Variants in SNN observed in about 807,000 individuals in gnomAD.
SNN encodes AG8_1.
A neutral mutation model predicts 5.3 loss-of-function variants in SNN; 5 were observed. The ratio of observed to expected loss-of-function variants is 0.94; its 90% CI spans 0.49 to 1.97. The LOEUF is 1.97. Among genes scored for constraint, SNN ranks in the 30% most tolerant of loss-of-function variants. The pLI is 0.01. For missense variants in SNN, 127 were observed against 121.6 expected (o/e 1.04, Z -0.21); for synonymous variants, 67 against 52.1 (o/e 1.29, Z -1.24).
Position 11,672,540 on chromosome 16 carries a change from T to C in SNN, c.-85-3435T>C, listed in dbSNP as rs2050272286. Among the ~76,000 whole-genome samples, 1 of 152,158 alleles carries C rather than the reference T, an allele frequency of 6.6e-6. No homozygotes were observed. The highest frequency in any genetic ancestry group is 1.5e-5 in the Non-Finnish European group (1 of 68,012). ...AGGGAGCTTGGATTCTCTTTGGTGC[T>C]GGGGAGGATTCTGAGTGGGGAGAAC... On this transcript the variant is annotated intron_variant, in intron 1 of 1. Coordinates refer to ENST00000329565, the MANE Select transcript of SNN (RefSeq NM_003498.6). This position sits in a 1 kb window ranked among gnomAD's most constrained non-coding sequence, Gnocchi z 6.0.
At position 11,675,956 on chromosome 16, in the gene SNN, A is replaced by C; in HGVS notation, c.-85-19A>C. The C allele has an allele frequency of 1.8e-5, 24 of 1,298,416 alleles. No homozygotes were observed. The highest frequency in any genetic ancestry group is 2.3e-5 in the Non-Finnish European group (22 of 955,560). 80.4% of individuals were successfully genotyped at this position (1,298,416 alleles called of 1,614,324 possible). On this transcript the variant is annotated intron_variant, in intron 1 of 1. Coordinates refer to ENST00000329565, the MANE Select transcript of SNN (RefSeq NM_003498.6). ...GTGGAAGTGCTAACCGCAGCTCGTC[A>C]ACCTGCTTTGTCTTTCAGGACTCCC...
Position 11,677,386 on chromosome 16 carries a change from A to C in SNN, c.*1060A>C, listed in dbSNP as rs1175165569. 6.0e-6 allele frequency: 1 copy of C among 167,096 alleles called. No homozygotes were observed. The highest frequency in any genetic ancestry group is 2.4e-5 in the African/African-American group (1 of 41,390). The allele number at this position is 167,096 out of a possible 1,614,324, so 10.4% of individuals were successfully genotyped here. A position where few individuals can be genotyped will look rare whatever the true frequency, so the allele number is the denominator to read the frequency against. On this transcript the variant is annotated 3_prime_UTR_variant, in exon 2 of 2. Coordinates refer to ENST00000329565, the MANE Select transcript of SNN (RefSeq NM_003498.6). The surrounding 1 kb of genome is among the most constrained non-coding windows in gnomAD (Gnocchi z 4.2). ...ACTTGGCTTCCTTTCCTCTCTGATG[A>C]CCGTCCGCCTATGGGGTTCTGACTT...
chr16:11,673,688 A>G (rs2050280211), intron 1 of SNN, among the ~76,000 whole-genome samples: 1 of 152,188 alleles, frequency 6.6e-6, no homozygotes, highest in African/African-American at 2.4e-5. Flanking sequence ...GAACAAGGGT[A>G]AGCCGCCAGA....
chr16:11,674,749 G>A (rs938188823), intron 1 of SNN, among the ~76,000 whole-genome samples: 3 of 152,268 alleles, frequency 2.0e-5, no homozygotes, highest in Non-Finnish European at 2.9e-5. Flanking sequence ...AGCCCTCACC[G>A]TGCCCCCTGC....
intron 1 of SNN, among the ~76,000 whole-genome samples, chr16:11,674,714 G>A (rs913922711): frequency 6.6e-6 from 1 of 152,172 alleles, no homozygotes; most frequent in African/African-American, 2.4e-5. Context: ...CTTGCCAGGG[G>A]GACCCTCTCT....
rs980157044 is a variant in SNN, at chr16:11,672,447, G to T, written c.-85-3528G>T. Among the ~76,000 whole-genome samples the T allele has an allele frequency of 6.6e-6, 1 of 152,202 alleles. No individual in the cohort carries two copies. Among genetic ancestry groups the T allele is most frequent in the Admixed American group, 6.5e-5 (1 of 15,290 alleles). On this transcript the variant is annotated intron_variant, in intron 1 of 1. Coordinates refer to ENST00000329565, the MANE Select transcript of SNN (RefSeq NM_003498.6). This position sits in a 1 kb window ranked among gnomAD's most constrained non-coding sequence, Gnocchi z 6.0. Reference sequence around the variant, plus strand: ...AGTCCCGAATAGGAAGGTGCCAGCCGTGGGGCGGTCAGGGCAGAGGTGGGA... The same window carrying T: ...AGTCCCGAATAGGAAGGTGCCAGCCTTGGGGCGGTCAGGGCAGAGGTGGGA...
intron 1 of SNN, among the ~76,000 whole-genome samples, chr16:11,669,596 G>A (rs925243012): frequency 2.6e-5 from 4 of 152,252 alleles, no homozygotes; most frequent in Non-Finnish European, 4.4e-5. Flanking sequence ...TCTTGAGGCA[G>A]AAAGGAGACA....
chr16:11,678,947 A>T lies in SNN; in HGVS notation c.*2621A>T. 6.0e-6 allele frequency: 3 copies of T among 498,568 alleles called. No individual in the cohort carries two copies. Among genetic ancestry groups the T allele is most frequent in the Non-Finnish European group, 1.1e-5 (3 of 274,782 alleles). 30.9% of individuals were successfully genotyped at this position (498,568 alleles called of 1,614,324 possible). A position where few individuals can be genotyped will look rare whatever the true frequency, so the allele number is the denominator to read the frequency against. On this transcript the variant is annotated 3_prime_UTR_variant, in exon 2 of 2. Coordinates refer to ENST00000329565, the MANE Select transcript of SNN (RefSeq NM_003498.6). ...AGGGAACTCTTGACACTGAGCCACT[A>T]AAATATGGACTAATTTTTTGGACAA...
intron 1 of SNN, among the ~76,000 whole-genome samples, chr16:11,673,371 C>T (rs1044847274): frequency 5.9e-5 from 9 of 152,154 alleles, no homozygotes; most frequent in African/African-American, 2.2e-4. Context: ...GGGCGCTAAT[C>T]AGGTGGCCAT....
At chr16:11,673,798 G>A (rs899174636) in intron 1 of SNN, among the ~76,000 whole-genome samples, 2 of 152,230 alleles carry the variant, frequency 1.3e-5, no homozygotes, top group Non-Finnish European at 2.9e-5. Context: ...GGGATGTGTA[G>A]TGTTCGGTCC....
intron 1 of SNN, 119 bp from the exon 2 acceptor site, chr16:11,675,856 G>A (rs1404526149): frequency 2.3e-5 from 13 of 569,074 alleles, no homozygotes; most frequent in African/African-American, 9.3e-5. Flanking sequence ...AGACGCCTTC[G>A]AACGCCGGCC....
At position 11,676,095 on chromosome 16, in the gene SNN, GGTCACA is replaced by G; in HGVS notation, c.41_46del (p.Thr14_Val15del). The G allele has an allele frequency of 1.2e-6, 2 of 1,612,968 alleles. No homozygotes were observed. Among genetic ancestry groups the G allele is most frequent in the Non-Finnish European group, 1.7e-6 (2 of 1,179,150 alleles). On this transcript the variant is annotated inframe_deletion, in exon 2 of 2. Coordinates refer to ENST00000329565, the MANE Select transcript of SNN (RefSeq NM_003498.6). ...TGGACCACAGCCCCACCACGGGCGT[GGTCACA>G]GTCATCGTCATCCTCATTGCCATCG...
chr16:11,673,592 C>T (rs1002482030), intron 1 of SNN, among the ~76,000 whole-genome samples: 4 of 152,302 alleles, frequency 2.6e-5, no homozygotes, highest in Middle Eastern at 3.4e-3. Context: ...TGCCACCTGC[C>T]CCCAGTTGTG....
At chr16:11,673,001 T>A (rs1393600987) in intron 1 of SNN, among the ~76,000 whole-genome samples, 2 of 152,088 alleles carry the variant, frequency 1.3e-5, no homozygotes, top group Non-Finnish European at 2.9e-5. Context: ...CCCTTCCGAA[T>A]TGATACTGAC....
Position 11,676,505 on chromosome 16 carries a change from C to T in SNN, c.*179C>T, listed in dbSNP as rs926371814. 18 of 762,244 alleles carry T rather than the reference C, an allele frequency of 2.4e-5. No individual in the cohort carries two copies. Among genetic ancestry groups the T allele is most frequent in the Non-Finnish European group, 3.4e-5 (16 of 473,430 alleles). 47.2% of individuals were successfully genotyped at this position (762,244 alleles called of 1,614,324 possible). On this transcript the variant is annotated 3_prime_UTR_variant, in exon 2 of 2. Coordinates refer to ENST00000329565, the MANE Select transcript of SNN (RefSeq NM_003498.6). ...GACCTGGCTGTCCTGGGCTTCCCCT[C>T]GGCCTCCAGGTGAGGCTGCCCATTG...
rs1050068 is a variant in SNN at position 11,676,092 on chromosome 16, C to A, written c.33C>A (p.Gly11=). MSIMDHSPTT[G]VVTVIVILIA... is the part of the protein sequence containing the mutation. ...TTATGGACCACAGCCCCACCACGGG[C>A]GTGGTCACAGTCATCGTCATCCTCA... The change falls in exon 2 of 2, where the codon GGC becomes GGA. Residue 11 remains glycine, a synonymous_variant. Coordinates refer to ENST00000329565, the MANE Select transcript of SNN (RefSeq NM_003498.6). 1.2e-6 allele frequency: 2 copies of A among 1,611,882 alleles called. No individual in the cohort carries two copies. Among genetic ancestry groups the A allele is most frequent in the African/African-American group, 2.7e-5 (2 of 74,992 alleles).
At chr16:11,674,879 C>T (rs535244856) in intron 1 of SNN, among the ~76,000 whole-genome samples, 1 of 152,226 alleles carries the variant, frequency 6.6e-6, no homozygotes, top group Non-Finnish European at 1.5e-5. Context: ...GAGTGACCGG[C>T]ATTTGGGGTA....
rs8191334 is a variant in SNN at position 11,677,309 on chromosome 16, G to T, written c.*983G>T. ...CCTATTTTCTGCACTGGAGGGGAGG[G>T]GACTGTTGAGGTTCTGTCTTTTTTC... On this transcript the variant is annotated 3_prime_UTR_variant, in exon 2 of 2. Transcript: ENST00000329565. The surrounding 1 kb of genome is among the most constrained non-coding windows in gnomAD (Gnocchi z 4.2). 6,410 of 167,308 alleles carry T rather than the reference G, an allele frequency of 0.038. 499 individuals carry two copies. The highest frequency in any genetic ancestry group is 0.15 in the African/African-American group (6,026 of 41,522). 10.4% of individuals were successfully genotyped at this position (167,308 alleles called of 1,614,324 possible). A position where few individuals can be genotyped will look rare whatever the true frequency, so the allele number is the denominator to read the frequency against.
rs759143370 is a variant in SNN at position 11,676,364 on chromosome 16, C to T, written c.*38C>T. ...GGCTCCTGGTCCTGTTTGCAGCCGG[C>T]CAAGAGGCGCTGGGAGGGGCAAAAC... On this transcript the variant is annotated 3_prime_UTR_variant, in exon 2 of 2. Coordinates refer to ENST00000329565, the MANE Select transcript of SNN (RefSeq NM_003498.6). 10 of 1,592,818 alleles carry T rather than the reference C, an allele frequency of 6.3e-6. No homozygotes were observed. The highest frequency in any genetic ancestry group is 2.3e-5 in the East Asian group (1 of 44,220).
Sources: allele counts gnomAD v4.1 joint callset (sites outside exome capture counted in the v4.1 genomes callset), GRCh38; gene constraint gnomAD v4.1.1; non-coding constraint Gnocchi (gnomAD v3.1); transcripts MANE v1.5; gene names NCBI Gene and HGNC (gene_info 2026-07-23, HGNC 2026-07-21).